The following CCSER1 variants were observed in gnomAD, a reference collection of about 807,000 sequenced individuals.
CCSER1 encodes the protein coiled-coil serine rich protein 1, also known as serine-rich coiled-coil domain-containing protein 1.
Under a neutral mutation model 82.0 loss-of-function variants are expected in CCSER1, and 41 were observed. The observed-to-expected ratio is 0.50, with a 90% confidence interval of 0.39 to 0.65. The LOEUF is 0.65. Ranked by LOEUF, CCSER1 falls within the 30% of genes least tolerant of loss-of-function variation. CCSER1 has a pLI of 0.00. For synonymous variants in CCSER1, 414 were observed against 383.9 expected (o/e 1.08, Z -0.92); for missense variants, 1,119 against 1,064.2 (o/e 1.05, Z -0.72).
At chr4:91,580,094 A>G (rs78144905) in intron 10 of CCSER1, among the ~76,000 whole-genome samples, 1,531 of 151,984 alleles carry the variant, frequency 0.01, 20 homozygotes, top group African/African-American at 0.035. Flanking sequence ...TTAAGGATAG[A>G]AATGATTTAC....
chr4:90,691,602 T>C (rs62314424), intron 6 of CCSER1, among the ~76,000 whole-genome samples: 2 of 146,818 alleles, frequency 1.4e-5, no homozygotes, highest in Non-Finnish European at 3.1e-5. Context: ...ATCACATGTG[T>C]ATATATCACA....
intron 5 of CCSER1, among the ~76,000 whole-genome samples, chr4:90,569,140 G>T (rs2153652916): frequency 6.6e-6 from 1 of 151,890 alleles, no homozygotes; most frequent in East Asian, 1.9e-4. Flanking sequence ...ATAGGATTTT[G>T]CTTTGTAGTT....
intron 10 of CCSER1, among the ~76,000 whole-genome samples, chr4:91,302,812 C>CTT (rs5860228): frequency 6.8e-6 from 1 of 148,102 alleles, no homozygotes; most frequent in Non-Finnish European, 1.5e-5. Flanking sequence ...TCCCCTAGAT[C>CTT]TTTTTTTTTT....
chr4:91,101,268 TC>T (rs1725030108), intron 10 of CCSER1, among the ~76,000 whole-genome samples: 1 of 152,126 alleles, frequency 6.6e-6, no homozygotes, highest in African/African-American at 2.4e-5. Context: ...AAGATAGAGT[TC>T]CCCAAAAGGG....
Position 90,725,373 on chromosome 4 carries a change from TCTAA to T in CCSER1, c.2010+1385_2010+1388del, listed in dbSNP as rs760064069. Among the ~76,000 whole-genome samples the T allele has an allele frequency of 1.8e-4, 27 of 151,720 alleles. 1 individual carries two copies. Among genetic ancestry groups the T allele is most frequent in the East Asian group, 3.9e-4 (2 of 5,176 alleles). On this transcript the variant is annotated intron_variant, in intron 7 of 10. Transcript: ENST00000509176. ...AGCTAATATAAATATAATTAGTTTC[TCTAA>T]CTGGTTCTGAGAGATCAATAGTTTT... is the stretch of plus-strand genomic sequence containing the variant.
chr4:91,167,664 G>A (rs1378838140), intron 10 of CCSER1, among the ~76,000 whole-genome samples: 2 of 152,136 alleles, frequency 1.3e-5, no homozygotes, highest in African/African-American at 2.4e-5. Context: ...AATGTTTATA[G>A]GTAGAAGGGG....
At chr4:90,181,821 G>T (rs1733783631) in intron 1 of CCSER1, among the ~76,000 whole-genome samples, 1 of 152,304 alleles carries the variant, frequency 6.6e-6, no homozygotes, top group Non-Finnish European at 1.5e-5. Context: ...TGAGTCAGCT[G>T]ACTGAGGTGC....
chr4:90,397,855 A>T (rs1752236050), intron 3 of CCSER1, among the ~76,000 whole-genome samples: 1 of 152,136 alleles, frequency 6.6e-6, no homozygotes, highest in Non-Finnish European at 1.5e-5. Flanking sequence ...AGATGTCCTC[A>T]CTTGGTATAA....
intron 8 of CCSER1, among the ~76,000 whole-genome samples, chr4:90,852,692 T>G (rs572435310): frequency 1.3e-5 from 2 of 152,320 alleles, no homozygotes; most frequent in Admixed American, 6.5e-5. Flanking sequence ...TTGTTGTTGT[T>G]GTTTTTTCCA....
intron 10 of CCSER1, among the ~76,000 whole-genome samples, chr4:91,148,790 CA>C (rs1423141211): frequency 1.3e-5 from 2 of 152,156 alleles, no homozygotes; most frequent in Admixed American, 1.3e-4. Flanking sequence ...TAGCTTCATC[CA>C]TGTCCCTACA....
intron 4 of CCSER1, among the ~76,000 whole-genome samples, chr4:90,427,880 G>A (rs912580694): frequency 2.0e-5 from 3 of 151,636 alleles, no homozygotes; most frequent in Non-Finnish European, 4.4e-5. Context: ...GCCCTATTTT[G>A]TAATCTAGCT....
At chr4:90,712,448 T>G (rs1418717751) in intron 6 of CCSER1, among the ~76,000 whole-genome samples, 1 of 152,052 alleles carries the variant, frequency 6.6e-6, no homozygotes, top group East Asian at 1.9e-4. Flanking sequence ...TGTAATTGTA[T>G]AGTTTTGAGT....
intron 10 of CCSER1, among the ~76,000 whole-genome samples, chr4:91,560,310 G>A (rs900707170): frequency 3.3e-5 from 5 of 151,334 alleles, no homozygotes; most frequent in Non-Finnish European, 1.5e-5. Context: ...ACACTTTTCA[G>A]CAATGTTATC....
At chr4:91,198,200 A>G (rs79348561) in intron 10 of CCSER1, among the ~76,000 whole-genome samples, 2 of 152,118 alleles carry the variant, frequency 1.3e-5, no homozygotes, top group East Asian at 1.9e-4. Flanking sequence ...TTAAGCAGAG[A>G]CAGTGAAAAG....
intron 10 of CCSER1, among the ~76,000 whole-genome samples, chr4:91,468,079 A>G (rs770804324): frequency 3.3e-5 from 5 of 152,190 alleles, no homozygotes; most frequent in Admixed American, 1.3e-4. Flanking sequence ...ACTATTCACA[A>G]TAGCAAAGAC....
intron 8 of CCSER1, among the ~76,000 whole-genome samples, chr4:90,916,843 A>G (rs1727516819): frequency 2.0e-5 from 3 of 152,226 alleles, no homozygotes; most frequent in Admixed American, 2.0e-4. Flanking sequence ...CCCATCAAAA[A>G]GTGGGCAAAG....
Position 90,946,949 on chromosome 4 carries a change from G to A in CCSER1, c.2172+23502G>A, listed in dbSNP as rs192830976. On this transcript the variant is annotated intron_variant, in intron 9 of 10. Transcript: ENST00000509176. ...TATCTATTGCTGTTCAGCAAGCAAC[G>A]CTTCTCCAGGCTCCCTCACTCTAAG... Among the ~76,000 whole-genome samples, 11 of 152,244 alleles carry A rather than the reference G, an allele frequency of 7.2e-5. No individual in the cohort carries two copies. The East Asian group carries it at 9.7e-4, about 13-fold the overall frequency.
rs75658857 is a variant in CCSER1, at chr4:90,280,349, T to G, written c.-41-27895T>G. 9.8e-3 allele frequency among the ~76,000 whole-genome samples: 1,495 copies of G among 151,836 alleles called. 22 individuals carry two copies. The highest frequency in any genetic ancestry group is 0.035 in the African/African-American group (1,440 of 41,462). On this transcript the variant is annotated intron_variant, in intron 1 of 10. Coordinates refer to ENST00000509176, the MANE Select transcript of CCSER1 (RefSeq NM_001145065.2). ...CTCCCTTCCTTCTTCTCTCCCTTCC[T>G]CTCTCTCTTCATTCATTTCTCCCTT...
intron 10 of CCSER1, among the ~76,000 whole-genome samples, chr4:91,222,124 G>T (rs1453447491): frequency 6.6e-6 from 1 of 151,360 alleles, no homozygotes; most frequent in African/African-American, 2.4e-5. Context: ...GAGAAAATGT[G>T]GGGGAGGGAA....
Sources: gnomAD v4.1 joint callset for allele counts (sites outside exome capture counted in the v4.1 genomes callset) on GRCh38, gnomAD v4.1.1 for gene constraint, MANE v1.5 for transcripts, NCBI Gene and HGNC (gene_info 2026-07-23, HGNC 2026-07-21) for gene names.